The following STK40 variants were observed in gnomAD, a reference collection of about 807,000 sequenced individuals.
The protein encoded by STK40 is serine/threonine-protein kinase 40.
In STK40, 13 loss-of-function variants were observed where a neutral mutation model predicts 47.9. The ratio of observed to expected loss-of-function variants is 0.27; its 90% confidence interval spans 0.18 to 0.43. The LOEUF is 0.43. STK40 is among the 20% of genes least tolerant of loss of function. The pLI is 1.00. For synonymous variants in STK40, 225 were observed against 243.2 expected, an observed-to-expected ratio of 0.93 and a Z score of 0.69; for missense variants, 460 against 595.1, an observed-to-expected ratio of 0.77 and a Z score of 2.36.
At chr1:36,344,713 C>T (rs1380642649) in intron 7 of STK40, among the ~76,000 whole-genome samples, 2 of 152,222 alleles carry the variant, frequency 1.3e-5, no homozygotes, top group African/African-American at 4.8e-5. Context: ...TGTGACTCCC[C>T]GTCTCCCCTC....
chr1:36,363,988 A>G (rs1421669753), intron 1 of STK40, among the ~76,000 whole-genome samples: 1 of 151,194 alleles, frequency 6.6e-6, no homozygotes, highest in Non-Finnish European at 1.5e-5. Flanking sequence ...TGTCTCTACT[A>G]AAAATACAAA....
At chr1:36,359,769 A>G (rs1414365358) in intron 2 of STK40, among the ~76,000 whole-genome samples, 6 of 152,198 alleles carry the variant, frequency 3.9e-5, no homozygotes, top group Non-Finnish European at 7.4e-5. Flanking sequence ...AAGGCCTTGC[A>G]TGATTCAGTT....
chr1:36,380,889 G>A (rs1196670769), intron 1 of STK40, among the ~76,000 whole-genome samples: 2 of 152,156 alleles, frequency 1.3e-5, no homozygotes, highest in Non-Finnish European at 2.9e-5. Flanking sequence ...TCCCGAGAGG[G>A]TGTGCCCAGG....
At position 36,341,897 on chromosome 1, in the gene STK40, T is replaced by C; in HGVS notation, c.1166A>G (p.Lys389Arg). Residue 389 changes from lysine (K) to arginine (R), a missense_variant, in exon 11 of 11, where the codon AAG becomes AGG. Coordinates refer to ENST00000373132, the MANE Select transcript of STK40 (RefSeq NM_001282547.2). ...MRQQLLLAEEKSSIHDARSWV... is the reference protein window; with the variant it reads ...MRQQLLLAEERSSIHDARSWV... ...GCTCCGGGCGTCATGGATGGAGCTC[T>C]TCTCCTCGGCCAGCAGCAGCTGCTG... 1 of 1,614,034 alleles carries C rather than the reference T, an allele frequency of 6.2e-7. No individual in the cohort carries two copies. Among genetic ancestry groups the C allele is most frequent in the Non-Finnish European group, 8.5e-7 (1 of 1,179,980 alleles).
intron 1 of STK40, among the ~76,000 whole-genome samples, chr1:36,384,318 C>T (rs900251248): frequency 2.0e-5 from 3 of 152,354 alleles, no homozygotes; most frequent in Admixed American, 1.3e-4. Context: ...GCATGAGCCA[C>T]GGCGCCCAGC....
chr1:36,340,899 A>G lies in STK40; in HGVS notation c.*856T>C, dbSNP rs1646640267. Reference sequence around the variant, plus strand: ...TCGCACTGGGAGTCCACGTGAGCTCAGTACCACGGGGAAGGATAGAGAAGG... The same window carrying G: ...TCGCACTGGGAGTCCACGTGAGCTCGGTACCACGGGGAAGGATAGAGAAGG... On this transcript the variant is annotated 3_prime_UTR_variant, in exon 11 of 11. Transcript: ENST00000373132. The G allele has an allele frequency of 6.6e-6, 1 of 152,396 alleles. No homozygotes were observed. Among genetic ancestry groups the G allele is most frequent in the Admixed American group, 6.5e-5 (1 of 15,290 alleles). 9.4% of individuals were successfully genotyped at this position (152,396 alleles called of 1,614,324 possible).
rs1289374319 is a variant in STK40, at chr1:36,361,158, G to C, written c.112+63C>G. ...CTGATGTCTGTAGGTCAGATCATGCGAGCCAATGTGCCCTGCCCCTGCCTC... is the reference window on the plus strand; with the variant it reads ...CTGATGTCTGTAGGTCAGATCATGCCAGCCAATGTGCCCTGCCCCTGCCTC... On this transcript the variant is annotated intron_variant, in intron 2 of 10. Coordinates refer to ENST00000373132, the MANE Select transcript of STK40 (RefSeq NM_001282547.2). The C allele has an allele frequency of 7.5e-6, 12 of 1,591,774 alleles. No homozygotes were observed. The South Asian group carries it at 1.2e-4, about 16-fold the overall frequency.
chr1:36,349,446 T>G (rs1413947464), intron 6 of STK40, among the ~76,000 whole-genome samples: 1 of 152,178 alleles, frequency 6.6e-6, no homozygotes, highest in African/African-American at 2.4e-5. Context: ...GCCAAGGTCA[T>G]GCAGCTGGTG....
intron 6 of STK40, among the ~76,000 whole-genome samples, chr1:36,350,358 G>A (rs988164181): frequency 9.9e-5 from 15 of 152,178 alleles, no homozygotes; most frequent in Non-Finnish European, 1.9e-4. Context: ...GGCACTGTGG[G>A]TTTTCTCCCC....
chr1:36,348,455 T>C (rs1228532968), intron 7 of STK40, among the ~76,000 whole-genome samples: 1 of 152,174 alleles, frequency 6.6e-6, no homozygotes, highest in African/African-American at 2.4e-5. Flanking sequence ...CTTCATCCAC[T>C]CTCACAGCAA....
chr1:36,369,718 T>C (rs776881850), intron 1 of STK40, among the ~76,000 whole-genome samples: 2 of 152,138 alleles, frequency 1.3e-5, no homozygotes, highest in African/African-American at 2.4e-5. Context: ...GCTGCAACCA[T>C]TGGTTTATCT....
intron 1 of STK40, among the ~76,000 whole-genome samples, chr1:36,378,110 T>G (rs1321365109): frequency 1.3e-5 from 2 of 152,188 alleles, no homozygotes; most frequent in Non-Finnish European, 2.9e-5. Flanking sequence ...CCACTACCCA[T>G]AGGGCAGGTC....
intron 10 of STK40, 58 bp downstream of exon 10, chr1:36,343,306 C>T: frequency 6.4e-7 from 1 of 1,562,062 alleles, no homozygotes; most frequent in South Asian, 1.1e-5. Flanking sequence ...GCCCTGCCTG[C>T]CCCCAGAAGC....
At chr1:36,361,130 A>T in intron 2 of STK40, 91 bp downstream of exon 2, 3 of 1,497,948 alleles carry the variant, frequency 2.0e-6, no homozygotes, top group Non-Finnish European at 2.7e-6. Context: ...GGGCCACCTC[A>T]CTCTGATGTC....
Position 36,340,294 on chromosome 1 carries a change from T to G in STK40, c.*1461A>C, listed in dbSNP as rs1431664269. 4 of 152,874 alleles carry G rather than the reference T, an allele frequency of 2.6e-5. No individual in the cohort carries two copies. Among genetic ancestry groups the G allele is most frequent in the African/African-American group, 9.6e-5 (4 of 41,468 alleles). The allele number at this position is 152,874 out of a possible 1,614,324, so 9.5% of individuals were successfully genotyped here. A position where few individuals can be genotyped will look rare whatever the true frequency, so the allele number is the denominator to read the frequency against. ...CTGCTGGCAAGAGGTGGCCCCATTT[T>G]TTCCAGATGGGGAAACTGAGGCACA... On this transcript the variant is annotated 3_prime_UTR_variant, in exon 11 of 11. Transcript: ENST00000373132.
At chr1:36,352,855 G>A (rs1311068086) in intron 6 of STK40, among the ~76,000 whole-genome samples, 1 of 152,242 alleles carries the variant, frequency 6.6e-6, no homozygotes, top group African/African-American at 2.4e-5. Flanking sequence ...GAGCGTTTCT[G>A]TCTGCAGCCC....
chr1:36,370,518 G>A (rs559446610), intron 1 of STK40, among the ~76,000 whole-genome samples: 5 of 152,342 alleles, frequency 3.3e-5, no homozygotes, highest in South Asian at 2.1e-4. Context: ...CAACACTCTA[G>A]GTGAGTGATG....
intron 7 of STK40, among the ~76,000 whole-genome samples, chr1:36,345,992 T>TATATATATATATATATATATATATATATA (rs1553135170): frequency 1.0e-4 from 2 of 19,492 alleles, no homozygotes; most frequent in African/African-American, 3.3e-4. Context: ...TATATATATA[T>TATATATATATATATATATATATATATATA]TTTTTTTTTT....
chr1:36,369,681 G>A (rs1476423058), intron 1 of STK40, among the ~76,000 whole-genome samples: 1 of 152,176 alleles, frequency 6.6e-6, no homozygotes, highest in Non-Finnish European at 1.5e-5. Context: ...CAGAGCACCT[G>A]AGTACACCTC....
Sources: allele counts gnomAD v4.1 joint callset (sites outside exome capture counted in the v4.1 genomes callset), GRCh38; gene constraint gnomAD v4.1.1; transcripts MANE v1.5; gene names NCBI Gene and HGNC (gene_info 2026-07-23, HGNC 2026-07-21).